The following CCDC102A variants were observed in gnomAD, a reference collection of about 807,000 sequenced individuals.
CCDC102A encodes coiled-coil domain containing 102A.
A neutral mutation model predicts 55.5 loss-of-function variants in CCDC102A; 40 were observed. The observed-to-expected ratio is 0.72, with a 90% CI of 0.56 to 0.94. The LOEUF is 0.94. Ranked by LOEUF, CCDC102A falls within the 40% of genes least tolerant of loss-of-function variation. CCDC102A has a pLI of 0.00. For synonymous variants in CCDC102A, 323 were observed against 339.0 expected, an observed-to-expected ratio of 0.95 and a Z score of 0.52; for missense variants, 779 against 768.6, an observed-to-expected ratio of 1.01 and a Z score of -0.16.
intron 1 of CCDC102A, among the ~76,000 whole-genome samples, chr16:57,532,198 T>C (rs1191003976): frequency 6.6e-6 from 1 of 152,212 alleles, no homozygotes; most frequent in Non-Finnish European, 1.5e-5. Context: ...AGAGTCATGT[T>C]TGCTAGGTGT....
intron 1 of CCDC102A, among the ~76,000 whole-genome samples, chr16:57,535,635 C>G (rs1454719719): frequency 1.3e-5 from 2 of 151,682 alleles, no homozygotes; most frequent in Admixed American, 6.6e-5. Context: ...CCACCCCGAC[C>G]CCAGCCCCAC....
chr16:57,522,372 A>G (rs1289512531), intron 3 of CCDC102A, among the ~76,000 whole-genome samples: 3 of 152,094 alleles, frequency 2.0e-5, no homozygotes, highest in Non-Finnish European at 4.4e-5. Context: ...AGGGCTCCAG[A>G]GCACTGGGCA....
Position 57,528,967 on chromosome 16 carries a change from T to C in CCDC102A, c.211A>G (p.Ser71Gly). The C allele has an allele frequency of 7.5e-7, 1 of 1,327,824 alleles. No homozygotes were observed. The highest frequency in any genetic ancestry group is 9.7e-7 in the Non-Finnish European group (1 of 1,028,354). 82.3% of individuals were successfully genotyped at this position (1,327,824 alleles called of 1,614,324 possible). The change falls in exon 2 of 9, where the codon AGC (serine) becomes GGC (glycine). Residue 71 changes from serine (S) to glycine (G), a missense_variant. Physicochemically the swap from Ser to Gly is moderately conservative, Grantham distance 56. Coordinates refer to ENST00000258214, the MANE Select transcript of CCDC102A (RefSeq NM_033212.4). ...TCCCGCAGCCGCAGCTCCTCGCGGCTCTCCCAGTCGCCGTCGGCCAGCAGC... is the reference window on the plus strand; with the variant it reads ...TCCCGCAGCCGCAGCTCCTCGCGGCCCTCCCAGTCGCCGTCGGCCAGCAGC... The part of the protein sequence containing the change: ...PALLADGDWE[S>G]REELRLRELE...
Position 57,518,722 on chromosome 16 carries a change from G to A in CCDC102A, c.941C>T (p.Ala314Val), listed in dbSNP as rs61754870. ...CATGCGGCCCAGCTCGTCCTGGTGC[G>A]CCTCCTTCAGGATGCTGAGCTGCAG... ...MLKQLSILKE[A>V]HQDELGRMSE... The change falls in exon 5 of 9, where the codon GCG becomes GTG. Residue 314 changes from alanine (A) to valine (V), a missense_variant. Physicochemically the swap from Ala to Val is moderately conservative, Grantham distance 64 (BLOSUM62 0). Coordinates refer to ENST00000258214, the MANE Select transcript of CCDC102A (RefSeq NM_033212.4). 2,011 of 1,606,566 alleles carry A rather than the reference G, an allele frequency of 1.3e-3. 29 individuals carry two copies. The African/African-American group carries it at 0.024, about 19-fold the overall frequency.
Position 57,529,212 on chromosome 16 carries a change from G to A in CCDC102A, c.-35C>T. On this transcript the variant is annotated 5_prime_UTR_variant, in exon 2 of 9. Transcript: ENST00000258214. This position sits in a 1 kb window ranked among gnomAD's most constrained non-coding sequence, Gnocchi z 4.1. Reference sequence around the variant, plus strand: ...GGGCGGGCCCTGAGCTCGAACTCGCGGTCGGGCTCAGGGGCGGCTCCGGGG... The same window carrying A: ...GGGCGGGCCCTGAGCTCGAACTCGCAGTCGGGCTCAGGGGCGGCTCCGGGG... The A allele has an allele frequency of 1.7e-6, 2 of 1,158,502 alleles. No individual in the cohort carries two copies. Among genetic ancestry groups the A allele is most frequent in the Non-Finnish European group, 2.1e-6 (2 of 940,024 alleles). The allele number at this position is 1,158,502 out of a possible 1,614,324, so 71.8% of individuals were successfully genotyped here. A position where few individuals can be genotyped will look rare whatever the true frequency, so the allele number is the denominator to read the frequency against.
Position 57,518,125 on chromosome 16 carries a change from G to A in CCDC102A, c.1191C>T (p.Ala397=). ...CCCTCAGGTCGCAGTCCAGTGCGCT[G>A]GCTGTTTGCCGCCGCCGCCGGGCCA... ...EALARRRRQT[A]SALDCDLRAS... The change falls in exon 6 of 9, where the codon GCC becomes GCT. Residue 397 remains alanine (A), a synonymous_variant. Transcript: ENST00000258214. 6.2e-7 allele frequency: 1 copy of A among 1,609,634 alleles called. No individual in the cohort carries two copies. The highest frequency in any genetic ancestry group is 1.7e-4 in the Middle Eastern group (1 of 6,040).
chr16:57,512,529 C>T lies in CCDC102A; in HGVS notation c.*212G>A, dbSNP rs79482887. 3.7e-3 allele frequency: 1,780 copies of T among 475,240 alleles called. 11 individuals carry two copies. Among genetic ancestry groups the T allele is most frequent in the African/African-American group, 7.0e-3 (318 of 45,296 alleles). 29.4% of individuals were successfully genotyped at this position (475,240 alleles called of 1,614,324 possible). On this transcript the variant is annotated 3_prime_UTR_variant, in exon 9 of 9. Coordinates refer to ENST00000258214, the MANE Select transcript of CCDC102A (RefSeq NM_033212.4). ...TTCTGGGTGTGCGCGCGCGCGCGCGCGTGTGTGTATATATATATATAAAAC... is the reference window on the plus strand; with the variant it reads ...TTCTGGGTGTGCGCGCGCGCGCGCGTGTGTGTGTATATATATATATAAAAC...
Position 57,512,434 on chromosome 16 carries a change from G to C in CCDC102A, c.*307C>G, listed in dbSNP as rs1188687888. The C allele has an allele frequency of 2.5e-6, 1 of 404,402 alleles. No homozygotes were observed. The highest frequency in any genetic ancestry group is 4.4e-6 in the Non-Finnish European group (1 of 229,866). 25.1% of individuals were successfully genotyped at this position (404,402 alleles called of 1,614,324 possible). A position where few individuals can be genotyped will look rare whatever the true frequency, so the allele number is the denominator to read the frequency against. ...ATGCCCAGCCCTGCATGAAGTCCTG[G>C]GTGGGTGAGGTCATCTGGACTGGGC... On this transcript the variant is annotated 3_prime_UTR_variant, in exon 9 of 9. Coordinates refer to ENST00000258214, the MANE Select transcript of CCDC102A (RefSeq NM_033212.4).
chr16:57,530,469 G>C (rs2032235773), intron 1 of CCDC102A, among the ~76,000 whole-genome samples: 1 of 152,160 alleles, frequency 6.6e-6, no homozygotes, highest in Non-Finnish European at 1.5e-5. Flanking sequence ...CCCTTTCTGA[G>C]TGATCAGTGT....
intron 3 of CCDC102A, among the ~76,000 whole-genome samples, chr16:57,524,573 T>G (rs2032102458): frequency 8.3e-6 from 1 of 121,078 alleles, no homozygotes. Context: ...TGAGGCTCTG[T>G]CTAAAAAAAA....
intron 4 of CCDC102A, among the ~76,000 whole-genome samples, chr16:57,520,651 T>G (rs187685419): frequency 7.4e-5 from 11 of 148,806 alleles, no homozygotes; most frequent in Admixed American, 6.0e-4. Flanking sequence ...AAAATTAAAA[T>G]AAAATAAAGC....
chr16:57,526,121 CCA>C lies in CCDC102A; in HGVS notation c.590_591del (p.Leu197ArgfsTer15). ...CTCTTCAGCAGGCTCTCCACCAGCT[CCA>C]GTTCCTGCGGGGACCAAGGTGGAGG... ...GSERPPGSQE[L>X]ELVESLLKSM... is the part of the protein sequence containing the mutation. On this transcript the variant is annotated frameshift_variant, in exon 3 of 9. Transcript: ENST00000258214. LOFTEE classifies it high-confidence loss of function. The C allele has an allele frequency of 6.5e-7, 1 of 1,542,756 alleles. No homozygotes were observed. The highest frequency in any genetic ancestry group is 8.7e-7 in the Non-Finnish European group (1 of 1,152,392).
Position 57,526,146 on chromosome 16 carries a change from A to T in CCDC102A, c.586-19T>A. ...CCAGTTCCTGCGGGGACCAAGGTGG[A>T]GGCTGGACCAGTGGCCGCCAAGCCA... On this transcript the variant is annotated intron_variant, in intron 2 of 8. Coordinates refer to ENST00000258214, the MANE Select transcript of CCDC102A (RefSeq NM_033212.4). 6.6e-7 allele frequency: 1 copy of T among 1,509,882 alleles called. No individual in the cohort carries two copies. Among genetic ancestry groups the T allele is most frequent in the Admixed American group, 2.3e-5 (1 of 44,192 alleles). 93.5% of individuals were successfully genotyped at this position (1,509,882 alleles called of 1,614,324 possible).
intron 5 of CCDC102A, 67 bp downstream of exon 5, chr16:57,518,558 C>A: frequency 7.9e-7 from 1 of 1,268,890 alleles, no homozygotes; most frequent in Non-Finnish European, 1.1e-6. Flanking sequence ...TCCCAGTGAC[C>A]TGCTGATGGA....
chr16:57,535,952 C>A (rs1301884068), intron 1 of CCDC102A, among the ~76,000 whole-genome samples: 1 of 152,176 alleles, frequency 6.6e-6, no homozygotes, highest in Non-Finnish European at 1.5e-5. Flanking sequence ...CCTTAGTCCT[C>A]ACTTAGTCGA....
chr16:57,514,684 G>A (rs2146696722), intron 8 of CCDC102A, among the ~76,000 whole-genome samples: 1 of 152,272 alleles, frequency 6.6e-6, no homozygotes, highest in South Asian at 2.1e-4. Context: ...CTGCAGAACC[G>A]GGCACCCTCT....
At chr16:57,536,195 C>T (rs1005684269) in intron 1 of CCDC102A, among the ~76,000 whole-genome samples, 12 of 152,146 alleles carry the variant, frequency 7.9e-5, no homozygotes, top group African/African-American at 2.7e-4. Context: ...TCCCAAATTC[C>T]GTCCCCGCCC....
Position 57,528,633 on chromosome 16 carries a change from G to T in CCDC102A, c.545C>A (p.Pro182Gln), listed in dbSNP as rs1381999691. 1 of 1,235,094 alleles carries T rather than the reference G, an allele frequency of 8.1e-7. No individual in the cohort carries two copies. The highest frequency in any genetic ancestry group is 1.0e-6 in the Non-Finnish European group (1 of 981,148). The allele number at this position is 1,235,094 out of a possible 1,614,324, so 76.5% of individuals were successfully genotyped here. ...CCTCTCGGACCCGACGTCACGCACTGGCTCGCGCTCCGCTTCCGGCTCGGG... is the reference window on the plus strand; with the variant it reads ...CCTCTCGGACCCGACGTCACGCACTTGCTCGCGCTCCGCTTCCGGCTCGGG... ...DGPEPEAERE[P>Q]VRDVGSERPP... Residue 182 changes from proline (P) to glutamine (Q), a missense_variant, in exon 2 of 9, where the codon CCA (proline) becomes CAA (glutamine). Coordinates refer to ENST00000258214, the MANE Select transcript of CCDC102A (RefSeq NM_033212.4).
At position 57,525,246 on chromosome 16, in the gene CCDC102A, C is replaced by G. The variant is rs552406356; in HGVS notation, c.812+655G>C. On this transcript the variant is annotated intron_variant, in intron 3 of 8. Coordinates refer to ENST00000258214, the MANE Select transcript of CCDC102A (RefSeq NM_033212.4). ...GAGTAGCTGGGATTGCAGGTGTCTG[C>G]CACCACGCCTAGCTAATTTTTGCAT... Among the ~76,000 whole-genome samples the G allele has an allele frequency of 3.9e-5, 6 of 152,262 alleles. No homozygotes were observed. In the South Asian group the frequency reaches 1.0e-3, roughly 26 times the overall value.
Sources: allele counts gnomAD v4.1 joint callset (sites outside exome capture counted in the v4.1 genomes callset), GRCh38; gene constraint gnomAD v4.1.1; non-coding constraint Gnocchi (gnomAD v3.1); transcripts MANE v1.5; gene names NCBI Gene and HGNC (gene_info 2026-07-23, HGNC 2026-07-21).